STXBP4: variants seen among roughly 807,000 people sequenced by gnomAD.
STXBP4 encodes syntaxin binding protein 4, also known as syntaxin-binding protein 4.
STXBP4 carries 55 observed loss-of-function variants against 76.1 expected under a neutral mutation model. That is an observed-to-expected ratio of 0.72 (90% CI 0.58 to 0.91). The LOEUF is 0.91. STXBP4 is among the 40% of genes least tolerant of loss of function. The pLI, the probability that STXBP4 is intolerant of heterozygous loss-of-function variation, is 0.00. For synonymous variants in STXBP4, 201 were observed against 220.2 expected (o/e 0.91, Z 0.77); for missense variants, 618 against 636.9 (o/e 0.97, Z 0.32).
intron 12 of STXBP4, among the ~76,000 whole-genome samples, chr17:55,058,130 A>T (rs1346112811): frequency 1.3e-5 from 2 of 152,184 alleles, no homozygotes; most frequent in East Asian, 3.8e-4. Flanking sequence ...GAATCGCCAC[A>T]CTGTCTTCCA....
At chr17:55,017,840 C>G (rs1383718096) in intron 8 of STXBP4, among the ~76,000 whole-genome samples, 2 of 152,200 alleles carry the variant, frequency 1.3e-5, no homozygotes, top group African/African-American at 4.8e-5. Flanking sequence ...AGCCTCACAC[C>G]TGAGTCTTAA....
In STXBP4 at chr17:54,986,008, A is replaced by G. The variant is rs572593920; in HGVS notation, c.-78-134A>G. On this transcript the variant is annotated intron_variant, in intron 2 of 17. Coordinates refer to ENST00000376352, the MANE Select transcript of STXBP4 (RefSeq NM_178509.6). ...TAAAATGCCATAACACAAAATACAT[A>G]CAATACATCTAACATCTATATACAG... is the stretch of plus-strand genomic sequence containing the variant. 5 of 538,890 alleles carry G rather than the reference A, an allele frequency of 9.3e-6. No individual in the cohort carries two copies. The South Asian group carries it at 1.3e-4, about 14-fold the overall frequency. The allele number at this position is 538,890 out of a possible 1,614,324, so 33.4% of individuals were successfully genotyped here.
At chr17:55,191,890 C>A in the STXBP4 span, among the ~76,000 whole-genome samples, 1 of 152,296 alleles carries the variant, frequency 6.6e-6, no homozygotes, top group African/African-American at 2.4e-5. Context: ...CCCTGTATTT[C>A]TGACTGATTG....
chr17:55,211,796 G>GTTTTTT, the STXBP4 span, among the ~76,000 whole-genome samples: 2 of 35,000 alleles, frequency 5.7e-5, no homozygotes, highest in African/African-American at 2.1e-4. Flanking sequence ...CCTGTTTTTT[G>GTTTTTT]TTGTTTTTTT....
chr17:55,159,859 C>A lies in STXBP4; in HGVS notation c.1610C>A (p.Ser537Ter). 1 of 1,614,014 alleles carries A rather than the reference C, an allele frequency of 6.2e-7. No individual in the cohort carries two copies. The highest frequency in any genetic ancestry group is 1.1e-5 in the South Asian group (1 of 91,066). The change falls in exon 18 of 18, where the codon TCA (serine) becomes TAA (stop). Residue 537 changes from serine to a stop codon, truncating the protein, a stop_gained. Coordinates refer to ENST00000376352, the MANE Select transcript of STXBP4 (RefSeq NM_178509.6). LOFTEE classifies it high-confidence loss of function. Reference sequence around the variant, plus strand: ...ATGAGTGTCCTGAATCTATCTCGCTCAGAGGAGAATGAAGAGGATTGCTCT... The same window carrying A: ...ATGAGTGTCCTGAATCTATCTCGCTAAGAGGAGAATGAAGAGGATTGCTCT... The part of the protein sequence containing the change: ...PVMSVLNLSR[S>*]EENEEDCSRE...
intron 16 of STXBP4, among the ~76,000 whole-genome samples, chr17:55,081,501 A>G (rs985896801): frequency 6.6e-6 from 1 of 152,190 alleles, no homozygotes; most frequent in African/African-American, 2.4e-5. Flanking sequence ...TTGTTGTTAA[A>G]TAATAATATC....
intron 16 of STXBP4, among the ~76,000 whole-genome samples, chr17:55,091,083 G>A (rs2079407497): frequency 6.6e-6 from 1 of 152,056 alleles, no homozygotes; most frequent in Non-Finnish European, 1.5e-5. Flanking sequence ...TCCTTCTGTA[G>A]AGAATATACT....
At chr17:55,031,341 T>C (rs1190138104) in intron 9 of STXBP4, 77 bp downstream of exon 9, 2 of 1,175,648 alleles carry the variant, frequency 1.7e-6, no homozygotes, top group Non-Finnish European at 2.5e-6. Context: ...TCATTAAGAG[T>C]GTTTGTTCTT....
chr17:54,979,384 TG>T (rs1349055510), intron 1 of STXBP4, among the ~76,000 whole-genome samples: 4 of 152,214 alleles, frequency 2.6e-5, no homozygotes, highest in Non-Finnish European at 5.9e-5. Flanking sequence ...GTGTCCTTAT[TG>T]CTCTATCAGG....
chr17:55,060,234 G>C (rs2078979054), intron 12 of STXBP4, among the ~76,000 whole-genome samples: 1 of 152,040 alleles, frequency 6.6e-6, no homozygotes. Context: ...TACATAGAAT[G>C]ATATTATTTT....
chr17:55,085,505 A>G (rs1267907932), intron 16 of STXBP4, among the ~76,000 whole-genome samples: 1 of 151,880 alleles, frequency 6.6e-6, no homozygotes, highest in Non-Finnish European at 1.5e-5. Context: ...TCTCTTCCCT[A>G]ATGTCACCCT....
At chr17:55,124,008 T>C (rs901119685) in intron 16 of STXBP4, among the ~76,000 whole-genome samples, 2 of 152,206 alleles carry the variant, frequency 1.3e-5, no homozygotes, top group Non-Finnish European at 2.9e-5. Context: ...TTTTATTTGA[T>C]AATGATTGGT....
At chr17:55,179,836 G>A in the STXBP4 span, among the ~76,000 whole-genome samples, 128,930 of 152,172 alleles carry the variant, frequency 0.85, 55,120 homozygotes, top group African/African-American at 0.94. Flanking sequence ...TGTTATCAGT[G>A]TGTTATTATC....
intron 9 of STXBP4, among the ~76,000 whole-genome samples, chr17:55,032,637 G>T (rs1412351580): frequency 1.3e-5 from 2 of 152,066 alleles, no homozygotes; most frequent in Non-Finnish European, 2.9e-5. Flanking sequence ...ATCTCCCACC[G>T]TACACCTCCA....
At chr17:55,110,058 T>C (rs2079693931) in intron 16 of STXBP4, among the ~76,000 whole-genome samples, 1 of 152,194 alleles carries the variant, frequency 6.6e-6, no homozygotes, top group Non-Finnish European at 1.5e-5. Flanking sequence ...TTCTGAAGGC[T>C]CTAGGAAATA....
chr17:55,163,296 GT>G lies in STXBP4; in HGVS notation c.*3389del, dbSNP rs1407494700. On this transcript the variant is annotated 3_prime_UTR_variant, in exon 18 of 18. Coordinates refer to ENST00000376352, the MANE Select transcript of STXBP4 (RefSeq NM_178509.6). Reference sequence around the variant, plus strand: ...AGAACCTGAGATTTTTAATCATTAGGTTTTAGATTTCCTTTAGCAGCAGAGA... The same window carrying G: ...AGAACCTGAGATTTTTAATCATTAGGTTTAGATTTCCTTTAGCAGCAGAGA... 3.3e-5 allele frequency: 5 copies of G among 150,250 alleles called. No individual in the cohort carries two copies. The highest frequency in any genetic ancestry group is 5.9e-5 in the Non-Finnish European group (4 of 67,804). 9.3% of individuals were successfully genotyped at this position (150,250 alleles called of 1,614,324 possible).
At chr17:55,208,933 A>G in the STXBP4 span, among the ~76,000 whole-genome samples, 3 of 150,852 alleles carry the variant, frequency 2.0e-5, no homozygotes, top group Non-Finnish European at 2.9e-5. Context: ...AAAAAAAAAA[A>G]TAGCCGGGCA....
chr17:55,044,463 A>G (rs1598259182), intron 11 of STXBP4: 1 of 151,942 alleles, frequency 6.6e-6, no homozygotes, highest in Non-Finnish European at 1.5e-5. Context: ...CAAATATATT[A>G]TTTATCTTTT....
chr17:55,049,099 A>G (rs756906030), intron 12 of STXBP4, among the ~76,000 whole-genome samples: 2 of 151,952 alleles, frequency 1.3e-5, no homozygotes, highest in African/African-American at 2.4e-5. Context: ...GTGGAACAAC[A>G]TTTTCAGGAC....
Sources: allele counts gnomAD v4.1 joint callset (sites outside exome capture counted in the v4.1 genomes callset), GRCh38; gene constraint gnomAD v4.1.1; transcripts MANE v1.5; gene names NCBI Gene and HGNC (gene_info 2026-07-23, HGNC 2026-07-21).